KCNQ3: variants seen among roughly 807,000 people sequenced by gnomAD.
The protein encoded by KCNQ3 is potassium voltage-gated channel subfamily KQT member 3.
KCNQ3 carries 30 observed loss-of-function variants against 92.5 expected under a neutral mutation model. The ratio of observed to expected loss-of-function variants is 0.32; its 90% confidence interval spans 0.24 to 0.44. The LOEUF (loss-of-function observed/expected upper bound fraction) is 0.44, where lower values mean the gene tolerates loss of function less well. Ranked by LOEUF, KCNQ3 falls within the 20% of genes least tolerant of loss-of-function variation. The probability of loss-of-function intolerance (pLI) is 1.00; values close to 1 mark genes in which losing one functional copy is unlikely to be tolerated. For missense variants in KCNQ3, 913 were observed against 1,140.3 expected, an observed-to-expected ratio of 0.80 and a Z score of 2.87; for synonymous variants, 450 against 468.8, an observed-to-expected ratio of 0.96 and a Z score of 0.52.
chr8:132,163,576 T>C, intron 8 of KCNQ3, 82 bp from the exon 9 acceptor site: 1 of 1,188,112 alleles, frequency 8.4e-7, no homozygotes, highest in South Asian at 1.2e-5. Flanking sequence ...GCTGCAAAGC[T>C]TCTCTCTGAA....
intron 1 of KCNQ3, among the ~76,000 whole-genome samples, chr8:132,311,841 A>G (rs1309722977): frequency 6.6e-6 from 1 of 152,198 alleles, no homozygotes; most frequent in Non-Finnish European, 1.5e-5. Flanking sequence ...AAATTTGTCT[A>G]TTCAGATCCT....
intron 1 of KCNQ3, among the ~76,000 whole-genome samples, chr8:132,357,831 C>T (rs997328152): frequency 2.6e-5 from 4 of 152,218 alleles, no homozygotes; most frequent in Non-Finnish European, 5.9e-5. Context: ...GCTCCTCCTC[C>T]AATCAGAACC....
Position 132,319,649 on chromosome 8 carries a change from C to T in KCNQ3, c.387-133468G>A, listed in dbSNP as rs116759737. Among the ~76,000 whole-genome samples the T allele has an allele frequency of 1.8e-3, 279 of 152,280 alleles. 2 individuals carry two copies. The highest frequency in any genetic ancestry group is 6.4e-3 in the African/African-American group (267 of 41,554). ...CATCGAGCTGCCACGACGAAGCAGC[C>T]GCACTGCCAGATGATGTGATGGATG... is the stretch of plus-strand genomic sequence containing the variant. On this transcript the variant is annotated intron_variant, in intron 1 of 14. Coordinates refer to ENST00000388996, the MANE Select transcript of KCNQ3 (RefSeq NM_004519.4).
chr8:132,304,268 T>C lies in KCNQ3; in HGVS notation c.387-118087A>G, dbSNP rs144137438. On this transcript the variant is annotated intron_variant, in intron 1 of 14. Coordinates refer to ENST00000388996, the MANE Select transcript of KCNQ3 (RefSeq NM_004519.4). ...ACCACTATGTAATACATCCATGTAATGAAACTGTACTTGTACCCCCTAAAT... is the reference window on the plus strand; with the variant it reads ...ACCACTATGTAATACATCCATGTAACGAAACTGTACTTGTACCCCCTAAAT... Among the ~76,000 whole-genome samples the C allele has an allele frequency of 2.0e-5, 3 of 152,272 alleles. No homozygotes were observed. In the East Asian group the frequency reaches 5.8e-4, roughly 29 times the overall value.
intron 12 of KCNQ3, among the ~76,000 whole-genome samples, chr8:132,136,631 T>C (rs557065959): frequency 3.3e-5 from 5 of 152,282 alleles, no homozygotes; most frequent in African/African-American, 1.2e-4. Context: ...ATATCATACC[T>C]ATATATTAGT....
intron 1 of KCNQ3, among the ~76,000 whole-genome samples, chr8:132,240,630 C>T (rs538935294): frequency 2.0e-5 from 3 of 152,218 alleles, no homozygotes; most frequent in Non-Finnish European, 2.9e-5. Flanking sequence ...AAGAAGCCAA[C>T]GGGGCTTTGA....
rs926080085 is a variant in KCNQ3 at position 132,388,237 on chromosome 8, C to T, written c.386+91910G>A. Among the ~76,000 whole-genome samples the T allele has an allele frequency of 4.6e-5, 7 of 152,066 alleles. No homozygotes were observed. In the South Asian group the frequency reaches 6.2e-4, roughly 14 times the overall value. On this transcript the variant is annotated intron_variant, in intron 1 of 14. Transcript: ENST00000388996. ...AAAAGAGGCATAGTCGTTGTTTGCTCGTTAAATTTTAAATGGACTTAAATT... is the reference window on the plus strand; with the variant it reads ...AAAAGAGGCATAGTCGTTGTTTGCTTGTTAAATTTTAAATGGACTTAAATT...
chr8:132,330,617 C>T (rs952268227), intron 1 of KCNQ3, among the ~76,000 whole-genome samples: 5 of 152,188 alleles, frequency 3.3e-5, no homozygotes, highest in African/African-American at 1.2e-4. Context: ...CCTCCAAATG[C>T]AAGGGGTTCT....
intron 1 of KCNQ3, among the ~76,000 whole-genome samples, chr8:132,209,808 A>G (rs185739773): frequency 1.2e-4 from 19 of 152,306 alleles, no homozygotes; most frequent in Admixed American, 1.2e-3. Context: ...TCAGTAGTTC[A>G]GGTGTATTAA....
intron 1 of KCNQ3, among the ~76,000 whole-genome samples, chr8:132,465,369 G>A (rs1188384598): frequency 6.6e-6 from 1 of 152,094 alleles, no homozygotes; most frequent in Non-Finnish European, 1.5e-5. Context: ...ACTCTCTTGG[G>A]AGTTCTAGAT....
chr8:132,432,394 T>C (rs556120382), intron 1 of KCNQ3, among the ~76,000 whole-genome samples: 1 of 151,056 alleles, frequency 6.6e-6, no homozygotes, highest in Non-Finnish European at 1.5e-5. Context: ...AACTATGATC[T>C]GTCAAAATAT....
intron 1 of KCNQ3, among the ~76,000 whole-genome samples, chr8:132,237,945 AT>A (rs568690913): frequency 5.9e-4 from 90 of 152,290 alleles, no homozygotes; most frequent in African/African-American, 2.2e-3. Context: ...CCACTTTAAG[AT>A]CCAGCTCCCT....
chr8:132,295,532 G>T (rs1406734767), intron 1 of KCNQ3, among the ~76,000 whole-genome samples: 1 of 152,138 alleles, frequency 6.6e-6, no homozygotes, highest in Non-Finnish European at 1.5e-5. Context: ...CCCATTACCG[G>T]GCGTATACCC....
chr8:132,183,315 G>C (rs984596916), intron 3 of KCNQ3, among the ~76,000 whole-genome samples: 3 of 152,156 alleles, frequency 2.0e-5, no homozygotes, highest in African/African-American at 7.2e-5. Context: ...TACTTGAAGA[G>C]TGTCAGAGGA....
intron 13 of KCNQ3, among the ~76,000 whole-genome samples, chr8:132,132,497 C>A (rs777357899): frequency 2.6e-5 from 4 of 152,190 alleles, no homozygotes; most frequent in Non-Finnish European, 5.9e-5. Context: ...AATTTGAAGC[C>A]AAATATCAAG....
Position 132,251,137 on chromosome 8 carries a change from T to C in KCNQ3, c.387-64956A>G, listed in dbSNP as rs528392705. Among the ~76,000 whole-genome samples the C allele has an allele frequency of 6.9e-4, 105 of 152,178 alleles. 1 individual carries two copies. The highest frequency in any genetic ancestry group is 2.4e-3 in the African/African-American group (98 of 41,516). ...CAAAAAATTAGCTGGTGTGGTGGTA[T>C]GCATATGTGGTCCCAGCTACTCAGT... On this transcript the variant is annotated intron_variant, in intron 1 of 14. Transcript: ENST00000388996.
intron 1 of KCNQ3, among the ~76,000 whole-genome samples, chr8:132,394,781 A>C (rs1275926409): frequency 6.6e-6 from 1 of 152,212 alleles, no homozygotes; most frequent in African/African-American, 2.4e-5. Context: ...TCATTTGCTT[A>C]TTTAACCAGC....
At chr8:132,365,080 C>A (rs914314910) in intron 1 of KCNQ3, among the ~76,000 whole-genome samples, 1 of 152,152 alleles carries the variant, frequency 6.6e-6, no homozygotes, top group Non-Finnish European at 1.5e-5. Context: ...TTTTGTTTTA[C>A]ATTTTGCCTG....
intron 1 of KCNQ3, among the ~76,000 whole-genome samples, chr8:132,298,725 G>A (rs7835976): frequency 6.6e-6 from 1 of 152,102 alleles, no homozygotes; most frequent in Non-Finnish European, 1.5e-5. Context: ...TGGCCAACAT[G>A]GTGAAAACCC....
Sources: gnomAD v4.1 joint callset for allele counts (sites outside exome capture counted in the v4.1 genomes callset) on GRCh38, gnomAD v4.1.1 for gene constraint, MANE v1.5 for transcripts, NCBI Gene and HGNC (gene_info 2026-07-23, HGNC 2026-07-21) for gene names.